The following OR51B5 variants were observed in gnomAD, a reference collection of about 807,000 sequenced individuals.
OR51B5 encodes the protein olfactory receptor family 51 subfamily B member 5, also known as olfactory receptor 51B5.
For missense variants in OR51B5, 456 were observed against 374.6 expected (o/e 1.22, Z -1.79); for synonymous variants, 186 against 144.8 (o/e 1.28, Z -2.04).
At chr11:5,463,223 T>C (rs1851086702) in intron 1 of OR51B5, among the ~76,000 whole-genome samples, 1 of 152,222 alleles carries the variant, frequency 6.6e-6, no homozygotes, top group Non-Finnish European at 1.5e-5. Flanking sequence ...AATTCAGGCG[T>C]CAGTTGACAA....
At chr11:5,414,722 G>A (rs755065233) in intron 1 of OR51B5, among the ~76,000 whole-genome samples, 1 of 152,002 alleles carries the variant, frequency 6.6e-6, no homozygotes, top group Admixed American at 6.6e-5. Flanking sequence ...TCAACAAGAA[G>A]AGCTATCCTA....
At chr11:5,504,077 A>G (rs184490889) in intron 1 of OR51B5, among the ~76,000 whole-genome samples, 25 of 152,334 alleles carry the variant, frequency 1.6e-4, no homozygotes, top group African/African-American at 6.0e-4. Context: ...ACATATAGTA[A>G]AGCCTCAATA....
At chr11:5,378,454 C>G (rs548606339) in intron 1 of OR51B5, among the ~76,000 whole-genome samples, 11 of 152,178 alleles carry the variant, frequency 7.2e-5, no homozygotes, top group African/African-American at 2.6e-4. Flanking sequence ...AGCCAAAATT[C>G]ACTAATGGGA....
chr11:5,430,726 A>T, intron 1 of OR51B5: 1 of 456,892 alleles, frequency 2.2e-6, no homozygotes, highest in East Asian at 6.9e-5. Flanking sequence ...AACACTATAG[A>T]TGATGGGATT....
intron 1 of OR51B5, among the ~76,000 whole-genome samples, chr11:5,464,807 T>G (rs1267040784): frequency 2.0e-5 from 3 of 152,150 alleles, no homozygotes; most frequent in Non-Finnish European, 4.4e-5. Context: ...TACCCAGTAA[T>G]GGGATGGCTG....
intron 1 of OR51B5, among the ~76,000 whole-genome samples, chr11:5,386,557 G>A (rs569571282): frequency 1.3e-5 from 2 of 151,982 alleles, no homozygotes; most frequent in Non-Finnish European, 2.9e-5. Context: ...TTACAAGTTT[G>A]AACTTTATTC....
intron 1 of OR51B5, among the ~76,000 whole-genome samples, chr11:5,439,563 T>C (rs773104989): frequency 2.0e-5 from 3 of 152,222 alleles, no homozygotes; most frequent in Non-Finnish European, 4.4e-5. Flanking sequence ...ACTTGCAGAA[T>C]GTATTAAAAC....
At chr11:5,341,645 TATTAC>T (rs1378821413), downstream of OR51B5, among the ~76,000 whole-genome samples, 3 of 152,312 alleles carry the variant, frequency 2.0e-5, no homozygotes, top group Non-Finnish European at 4.4e-5. Context: ...AATTTACACT[TATTAC>T]ATGGAATCAG....
intron 1 of OR51B5, among the ~76,000 whole-genome samples, chr11:5,470,533 A>G (rs550395037): frequency 1.3e-5 from 2 of 150,584 alleles, no homozygotes; most frequent in South Asian, 2.1e-4. Context: ...TCTCTTCTCA[A>G]TATGTATTCA....
chr11:5,499,199 C>T (rs1358096916), intron 1 of OR51B5, among the ~76,000 whole-genome samples: 1 of 145,544 alleles, frequency 6.9e-6, no homozygotes, highest in Admixed American at 6.9e-5. Flanking sequence ...CCAGTGCCTC[C>T]CTATCCTGTT....
intron 1 of OR51B5, chr11:5,385,336 T>G (rs894656054): frequency 6.6e-6 from 1 of 152,142 alleles, no homozygotes; most frequent in South Asian, 2.1e-4. Context: ...CCCAGCCCTG[T>G]CATTGTCTCT....
chr11:5,430,730 T>C (rs1850521257), intron 1 of OR51B5: 2 of 456,738 alleles, frequency 4.4e-6, no homozygotes, highest in Non-Finnish European at 8.8e-6. Flanking sequence ...CTATAGATGA[T>C]GGGATTAAGT....
intron 1 of OR51B5, among the ~76,000 whole-genome samples, chr11:5,357,771 C>T (rs1203506007): frequency 2.0e-5 from 3 of 150,658 alleles, no homozygotes; most frequent in African/African-American, 4.9e-5. Flanking sequence ...TGTAAAAGAA[C>T]AGAAATTATA....
intron 1 of OR51B5, among the ~76,000 whole-genome samples, chr11:5,463,583 A>G (rs1164475871): frequency 6.6e-6 from 1 of 152,132 alleles, no homozygotes; most frequent in Non-Finnish European, 1.5e-5. Flanking sequence ...TATTTTGGGG[A>G]GTGGATATAA....
intron 1 of OR51B5, among the ~76,000 whole-genome samples, chr11:5,429,722 G>A (rs1358288727): frequency 6.6e-6 from 1 of 152,038 alleles, no homozygotes; most frequent in African/African-American, 2.4e-5. Context: ...CCACATGCAC[G>A]GTAAAGCCAC....
At chr11:5,476,206 A>T (rs1470567930) in intron 1 of OR51B5, among the ~76,000 whole-genome samples, 1 of 152,232 alleles carries the variant, frequency 6.6e-6, no homozygotes, top group African/African-American at 2.4e-5. Context: ...AATAACATTC[A>T]TGTATACTTA....
chr11:5,454,498 A>C, intron 1 of OR51B5: 1 of 1,227,844 alleles, frequency 8.1e-7, no homozygotes, highest in East Asian at 2.3e-5. Flanking sequence ...CATCATCATC[A>C]TCAAAGTATA....
At chr11:5,450,768 G>A (rs1190099374) in intron 1 of OR51B5, among the ~76,000 whole-genome samples, 1 of 152,196 alleles carries the variant, frequency 6.6e-6, no homozygotes, top group East Asian at 1.9e-4. Flanking sequence ...ACCTTGGTAA[G>A]AGAGAAGAGA....
At chr11:5,342,940 C>T in exon 1 of OR51B5, 1 of 1,613,768 alleles carries the variant, frequency 6.2e-7, no homozygotes, top group Non-Finnish European at 8.5e-7. Flanking sequence ...CAGCTGGGTA[C>T]AGTCGGTTGA....
Sources: allele counts gnomAD v4.1 joint callset (sites outside exome capture counted in the v4.1 genomes callset), GRCh38; gene constraint gnomAD v4.1.1; transcripts MANE v1.5; gene names NCBI Gene and HGNC (gene_info 2026-07-23, HGNC 2026-07-21).